Variants in CIBAR1 observed in about 807,000 individuals in gnomAD.
CIBAR1 encodes CBY1-interacting BAR domain-containing protein 1.
A neutral mutation model predicts 44.0 loss-of-function variants in CIBAR1; 25 were observed. The observed-to-expected ratio is 0.57, with a 90% confidence interval of 0.41 to 0.79. The LOEUF (loss-of-function observed/expected upper bound fraction) is 0.79. Ranked by LOEUF, CIBAR1 falls within the 30% of genes least tolerant of loss-of-function variation. CIBAR1 has a pLI of 0.00. For synonymous variants in CIBAR1, 115 were observed against 119.0 expected (o/e 0.97, Z 0.22); for missense variants, 278 against 344.8 (o/e 0.81, Z 1.53).
At position 93,729,973 on chromosome 8, in the gene CIBAR1, T is replaced by C. The variant is rs1811723687; in HGVS notation, c.*1676T>C. The C allele has an allele frequency of 6.6e-6, 1 of 152,208 alleles. No individual in the cohort carries two copies. The highest frequency in any genetic ancestry group is 2.1e-4 in the South Asian group (1 of 4,830). 9.4% of individuals were successfully genotyped at this position (152,208 alleles called of 1,614,324 possible). A position where few individuals can be genotyped will look rare whatever the true frequency, so the allele number is the denominator to read the frequency against. ...TGGATTTCTTCAGATTTTGGAGTATTTGCATTATACCAGTTCAACATTCCT... is the reference window on the plus strand; with the variant it reads ...TGGATTTCTTCAGATTTTGGAGTATCTGCATTATACCAGTTCAACATTCCT... On this transcript the variant is annotated 3_prime_UTR_variant, in exon 9 of 9. Transcript: ENST00000518322.
At chr8:93,719,241 A>C (rs1030946171) in intron 7 of CIBAR1, among the ~76,000 whole-genome samples, 1 of 152,186 alleles carries the variant, frequency 6.6e-6, no homozygotes, top group African/African-American at 2.4e-5. Flanking sequence ...ATGATTTTCC[A>C]TTTATTTTCA....
At chr8:93,722,243 A>G (rs1811291763) in intron 7 of CIBAR1, among the ~76,000 whole-genome samples, 1 of 152,206 alleles carries the variant, frequency 6.6e-6, no homozygotes, top group Non-Finnish European at 1.5e-5. Flanking sequence ...TTTCTTGGAA[A>G]GAAGTAAAGA....
At chr8:93,709,644 A>T in intron 5 of CIBAR1, 127 bp from the exon 6 acceptor site, 1 of 724,544 alleles carries the variant, frequency 1.4e-6, no homozygotes, top group Non-Finnish European at 2.5e-6. Flanking sequence ...GGTAAAATAT[A>T]ATATTAACAA....
At chr8:93,724,499 A>G (rs1329419130) in intron 7 of CIBAR1, 2 of 699,958 alleles carry the variant, frequency 2.9e-6, no homozygotes, top group Admixed American at 2.3e-5. Context: ...TAATTTTCAT[A>G]TTTTTTGTAG....
chr8:93,708,674 T>C (rs996897486), intron 5 of CIBAR1, among the ~76,000 whole-genome samples: 4 of 152,186 alleles, frequency 2.6e-5, no homozygotes, highest in Admixed American at 1.3e-4. Context: ...TAAAGAAGAA[T>C]CTACAAGTAG....
At chr8:93,701,098 G>T (rs1431204060) in intron 1 of CIBAR1, 126 bp from the exon 2 acceptor site, 6 of 1,488,650 alleles carry the variant, frequency 4.0e-6, no homozygotes, top group Non-Finnish European at 5.4e-6. Context: ...GGGAGACGCT[G>T]GGTCGTTGAT....
intron 7 of CIBAR1, chr8:93,720,102 G>C (rs901107622): frequency 1.3e-5 from 2 of 152,158 alleles, no homozygotes; most frequent in Non-Finnish European, 1.5e-5. Context: ...TCCTGCCTCA[G>C]CCTACCTAGT....
In CIBAR1 at chr8:93,709,810, C is replaced by G. The variant is rs368652620; in HGVS notation, c.478C>G (p.Arg160Gly). Residue 160 changes from arginine (R) to glycine (G), a missense_variant, in exon 6 of 9, where the codon CGA (arginine) becomes GGA (glycine). Transcript: ENST00000518322. ...ELQRAAMDAS[R>G]TSRHLEETIN... ...ACAGAGAGCTGCAATGGATGCTAGC[C>G]GAACAAGTCGTCATCTGGAGGAAAC... The G allele has an allele frequency of 6.2e-7, 1 of 1,613,070 alleles. No homozygotes were observed. Among genetic ancestry groups the G allele is most frequent in the Admixed American group, 1.7e-5 (1 of 59,950 alleles).
At position 93,700,578 on chromosome 8, in the gene CIBAR1, C is replaced by G; in HGVS notation, c.-70C>G. 7.1e-7 allele frequency: 1 copy of G among 1,412,448 alleles called. No homozygotes were observed. Among genetic ancestry groups the G allele is most frequent in the South Asian group, 1.5e-5 (1 of 67,358 alleles). 87.5% of individuals were successfully genotyped at this position (1,412,448 alleles called of 1,614,324 possible). On this transcript the variant is annotated 5_prime_UTR_variant, in exon 1 of 9. Coordinates refer to ENST00000518322, the MANE Select transcript of CIBAR1 (RefSeq NM_145269.5). ...CTCCCGGCGGCTGCTTGCGCCCCAG[C>G]GCGCGCCCAGGCGCCTTGGAATCCC...
chr8:93,712,296 A>G (rs1386620919), intron 6 of CIBAR1, among the ~76,000 whole-genome samples: 2 of 152,224 alleles, frequency 1.3e-5, no homozygotes, highest in Non-Finnish European at 2.9e-5. Flanking sequence ...ATAGAATGGA[A>G]TCATCAAATA....
At chr8:93,702,207 A>T (rs1054085464) in intron 2 of CIBAR1, 1 of 416,216 alleles carries the variant, frequency 2.4e-6, no homozygotes, top group Admixed American at 2.7e-5. Context: ...CAGAATGAGT[A>T]TAAAAAAAAT....
intron 6 of CIBAR1, among the ~76,000 whole-genome samples, chr8:93,717,279 T>C (rs182415367): frequency 1.3e-5 from 2 of 152,226 alleles, no homozygotes; most frequent in African/African-American, 2.4e-5. Context: ...ATAAGGACAC[T>C]AACAACTAAG....
At chr8:93,715,449 T>C (rs1373714276) in intron 6 of CIBAR1, 1 of 152,202 alleles carries the variant, frequency 6.6e-6, no homozygotes, top group Non-Finnish European at 1.5e-5. Context: ...GACAAAAATT[T>C]AGTCTCACCA....
intron 7 of CIBAR1, chr8:93,719,690 A>G (rs983604800): frequency 1.3e-5 from 2 of 152,232 alleles, no homozygotes; most frequent in Non-Finnish European, 2.9e-5. Flanking sequence ...TTAAATGCAA[A>G]TAATTCTGAT....
chr8:93,727,019 T>G lies in CIBAR1; in HGVS notation c.777+506T>G, dbSNP rs866615491. On this transcript the variant is annotated intron_variant, in intron 8 of 8. Transcript: ENST00000518322. ...CTTTAAGATGTGGAGACTAACATTCTTAGGCTTTGTGGGCCATATGGTTTC... is the reference window on the plus strand; with the variant it reads ...CTTTAAGATGTGGAGACTAACATTCGTAGGCTTTGTGGGCCATATGGTTTC... 3.0e-5 allele frequency: 14 copies of G among 469,096 alleles called. 1 individual carries two copies. In the Middle Eastern group the frequency reaches 4.6e-3, roughly 153 times the overall value. The allele number at this position is 469,096 out of a possible 1,614,324, so 29.1% of individuals were successfully genotyped here.
chr8:93,715,113 G>T (rs1271485697), intron 6 of CIBAR1, among the ~76,000 whole-genome samples: 2 of 152,190 alleles, frequency 1.3e-5, no homozygotes, highest in Non-Finnish European at 2.9e-5. Flanking sequence ...AAACAGCAAG[G>T]TAATACATTT....
chr8:93,719,392 A>T (rs1811157620), intron 7 of CIBAR1, among the ~76,000 whole-genome samples: 2 of 152,228 alleles, frequency 1.3e-5, no homozygotes, highest in African/African-American at 4.8e-5. Context: ...GTGCTAAAAA[A>T]TAGTTAACAT....
At chr8:93,727,213 CAACA>C in intron 8 of CIBAR1, 1 of 1,279,588 alleles carries the variant, frequency 7.8e-7, no homozygotes, top group Non-Finnish European at 1.0e-6. Flanking sequence ...ATATAAAATT[CAACA>C]AACTTATTTT....
intron 7 of CIBAR1, among the ~76,000 whole-genome samples, chr8:93,725,253 G>C (rs1811438157): frequency 6.6e-6 from 1 of 152,158 alleles, no homozygotes; most frequent in African/African-American, 2.4e-5. Flanking sequence ...AAAGTGCTAG[G>C]ATTATAGGCA....
Sources: gnomAD v4.1 joint callset for allele counts (sites outside exome capture counted in the v4.1 genomes callset) on GRCh38, gnomAD v4.1.1 for gene constraint, MANE v1.5 for transcripts, NCBI Gene and HGNC (gene_info 2026-07-23, HGNC 2026-07-21) for gene names.